Variants in MPND observed in about 807,000 individuals in gnomAD.
The protein encoded by MPND is MPN domain containing.
MPND carries 56 observed loss-of-function variants against 59.2 expected under a neutral mutation model. The observed-to-expected ratio is 0.95, with a 90% CI of 0.76 to 1.18. MPND has a LOEUF of 1.18. Among genes scored for constraint, MPND ranks in the 50% most tolerant of loss-of-function variants. The pLI is 0.00. For synonymous variants in MPND, 323 were observed against 291.9 expected (o/e 1.11, Z -1.09); for missense variants, 671 against 676.0 (o/e 0.99, Z 0.08).
rs1308112259 is a variant in MPND at position 4,359,927 on chromosome 19, C to T, written c.1431C>T (p.Ala477=). The change falls in exon 13 of 13, where the codon GCC becomes GCT. Residue 477 remains alanine (A), a synonymous_variant. Coordinates refer to ENST00000599840, the MANE Select transcript of MPND (RefSeq NM_001300862.2). ...CCCCCTCGTTTCAGATCTCCTTGGC[C>T]AGCAGGACGCCCAAGGACCAGAGCC... ...TYLDKLKISL[A]SRTPKDQSLC... is the part of the protein sequence containing the mutation. 1.9e-6 allele frequency: 3 copies of T among 1,569,944 alleles called. No homozygotes were observed. The highest frequency in any genetic ancestry group is 2.6e-6 in the Non-Finnish European group (3 of 1,157,256).
chr19:4,346,141 G>A (rs891543207), intron 3 of MPND, among the ~76,000 whole-genome samples, 160 bp downstream of exon 3: 8 of 152,220 alleles, frequency 5.3e-5, no homozygotes, highest in African/African-American at 1.9e-4. Context: ...CCAGGGCTGG[G>A]GCGGAGAGAG....
At chr19:4,353,355 C>T (rs1972364234) in intron 4 of MPND, among the ~76,000 whole-genome samples, 1 of 152,096 alleles carries the variant, frequency 6.6e-6, no homozygotes, top group African/African-American at 2.4e-5. Flanking sequence ...GCAACCTCTG[C>T]CTCCCGGGTT....
Position 4,359,166 on chromosome 19 carries a change from C to T in MPND, c.1330C>T (p.Leu444=). ...TCCATGCTCCTCTGTCCTGTAGATG[C>T]TGCTGGTGGAGTTCTACAAGGGTTC... ...LTNDILHEMM[L]LVEFYKGSPD... is the part of the protein sequence containing the mutation. The change falls in exon 12 of 13, where the codon CTG becomes TTG. Residue 444 remains leucine (L), a synonymous_variant. Coordinates refer to ENST00000599840, the MANE Select transcript of MPND (RefSeq NM_001300862.2). 2 of 1,611,972 alleles carry T rather than the reference C, an allele frequency of 1.2e-6. No homozygotes were observed. The highest frequency in any genetic ancestry group is 1.1e-5 in the South Asian group (1 of 91,044).
At chr19:4,350,371 G>C (rs1324351292) in intron 3 of MPND, among the ~76,000 whole-genome samples, 2 of 152,122 alleles carry the variant, frequency 1.3e-5, no homozygotes, top group Non-Finnish European at 2.9e-5. Context: ...GAGCCATGGA[G>C]TGTTGCAGGC....
At chr19:4,353,173 C>T (rs1972360314) in intron 4 of MPND, 144 bp downstream of exon 4, 2 of 580,040 alleles carry the variant, frequency 3.4e-6, no homozygotes, top group Non-Finnish European at 2.6e-6. Context: ...AAGTCTGGAG[C>T]CGGACGAGGC....
chr19:4,344,332 AGCT>A (rs1972138804), intron 2 of MPND, among the ~76,000 whole-genome samples: 1 of 148,392 alleles, frequency 6.7e-6, no homozygotes, highest in Non-Finnish European at 1.5e-5. Context: ...AGGCCTGGAG[AGCT>A]CCCTTGCTTT....
intron 11 of MPND, among the ~76,000 whole-genome samples, 186 bp from the exon 12 acceptor site, chr19:4,358,977 G>A (rs750397809): frequency 2.0e-5 from 3 of 152,112 alleles, no homozygotes. Flanking sequence ...CCTCCCCCTC[G>A]AGAGAGCCCT....
chr19:4,344,844 T>TC, intron 2 of MPND, among the ~76,000 whole-genome samples: 2 of 149,638 alleles, frequency 1.3e-5, no homozygotes, highest in African/African-American at 2.5e-5. Flanking sequence ...TTCAAGCGAT[T>TC]TTCTGCCTCA....
rs1972125327 is a variant in MPND at position 4,343,856 on chromosome 19, A to G, written c.156A>G (p.Gly52=). 8.6e-7 allele frequency: 1 copy of G among 1,161,984 alleles called. No homozygotes were observed. Among genetic ancestry groups the G allele is most frequent in the Non-Finnish European group, 1.1e-6 (1 of 944,060 alleles). The allele number at this position is 1,161,984 out of a possible 1,614,324, so 72.0% of individuals were successfully genotyped here. The change falls in exon 2 of 13, where the codon GGA becomes GGG. Residue 52 remains glycine (G), a synonymous_variant. Coordinates refer to ENST00000599840, the MANE Select transcript of MPND (RefSeq NM_001300862.2). The part of the protein sequence containing the change: ...SGGGGSSVSG[G]GGGGGAGAGG... ...GCGGCGGCAGTAGCGTCAGCGGAGG[A>G]GGCGGCGGCGGCGGGGCCGGGGCGG...
chr19:4,355,336 C>CTTTTT lies in MPND; in HGVS notation c.996+176_996+180dup, dbSNP rs3048292. Among the ~76,000 whole-genome samples the CTTTTT allele has an allele frequency of 2.6e-4, 32 of 124,438 alleles. 2 individuals carry two copies. The highest frequency in any genetic ancestry group is 2.6e-4 in the Non-Finnish European group (16 of 61,824). 81.6% of individuals were successfully genotyped at this position (124,438 alleles called of 152,430 possible). On this transcript the variant is annotated intron_variant, in intron 8 of 12. Transcript: ENST00000599840. ...CCATGGTGAAGGGTGAAGAACACTG[C>CTTTTT]TTTTTTTTTTTTTTTTTGAGACGGA...
At chr19:4,344,119 T>G in intron 2 of MPND, 125 bp downstream of exon 2, 1 of 682,964 alleles carries the variant, frequency 1.5e-6, no homozygotes, top group Non-Finnish European at 2.0e-6. Flanking sequence ...GGAGCTCCCT[T>G]GCTGAGAGAC....
rs374599119 is a variant in MPND at position 4,355,165 on chromosome 19, G to C, written c.988G>C (p.Glu330Gln). 2.5e-6 allele frequency: 4 copies of C among 1,612,848 alleles called. No homozygotes were observed. The highest frequency in any genetic ancestry group is 3.4e-6 in the Non-Finnish European group (4 of 1,179,962). ...LGDAETAAAIEEEIYQSLFLR... is the reference protein window; with the variant it reads ...LGDAETAAAIQEEIYQSLFLR... ...GGACGCAGAGACTGCAGCTGCCATCGAAGAGGAGGTGAGGGGCTACCTGGG... is the reference window on the plus strand; with the variant it reads ...GGACGCAGAGACTGCAGCTGCCATCCAAGAGGAGGTGAGGGGCTACCTGGG... Residue 330 changes from glutamate (E) to glutamine (Q), a missense_variant, in exon 8 of 13, where the codon GAA becomes CAA. Glu to Gln is a conservative substitution (Grantham distance 29). Transcript: ENST00000599840.
intron 3 of MPND, among the ~76,000 whole-genome samples, chr19:4,348,049 A>G (rs1335128962): frequency 1.3e-5 from 2 of 149,426 alleles, no homozygotes; most frequent in Admixed American, 6.7e-5. Context: ...CCACCACCAC[A>G]CCCGGCTAAT....
At chr19:4,350,586 C>G (rs939392561) in intron 3 of MPND, among the ~76,000 whole-genome samples, 1 of 152,124 alleles carries the variant, frequency 6.6e-6, no homozygotes, top group East Asian at 1.9e-4. Context: ...GGAAGTGTAT[C>G]CGCCAGATTT....
intron 8 of MPND, among the ~76,000 whole-genome samples, chr19:4,356,280 C>G (rs917135784): frequency 6.6e-6 from 1 of 151,838 alleles, no homozygotes; most frequent in African/African-American, 2.4e-5. Flanking sequence ...ATCCAGGCAC[C>G]GGGGGTTCAC....
At position 4,343,977 on chromosome 19, in the gene MPND, C is replaced by CAGCGCCGGGGTGATGGCGCCGGGGTGA. The variant is rs750893179; in HGVS notation, c.277_278insAGCGCCGGGGTGATGGCGCCGGGGTGA (p.Leu93delinsGlnArgArgGlyAspGlyAlaGlyValMet). On this transcript the variant is annotated protein_altering_variant, in exon 2 of 13. Transcript: ENST00000599840. The stretch of plus-strand genomic sequence containing the variant: ...GCTGCTGGAGCCTGGCGCCGGGGTG[C>CAGCGCCGGGGTGATGGCGCCGGGGTGA]TGTCCATCTACTACCTGGTGAGCAC... The CAGCGCCGGGGTGATGGCGCCGGGGTGA allele has an allele frequency of 1.8e-5, 25 of 1,380,524 alleles. 1 individual carries two copies. The South Asian group carries it at 3.7e-4, about 21-fold the overall frequency. The allele number at this position is 1,380,524 out of a possible 1,614,324, so 85.5% of individuals were successfully genotyped here.
At chr19:4,359,304 C>G in intron 12 of MPND, 49 bp downstream of exon 12, 1 of 1,415,846 alleles carries the variant, frequency 7.1e-7, no homozygotes, top group Non-Finnish European at 9.9e-7. Flanking sequence ...CAGGAGAGGC[C>G]CCCTGGGCAG....
rs751132283 is a variant in MPND, at chr19:4,355,208, G to C, written c.996+35G>C. 28 of 1,604,598 alleles carry C rather than the reference G, an allele frequency of 1.7e-5. 1 individual carries two copies. In the South Asian group the frequency reaches 2.3e-4, roughly 13 times the overall value. ...TACCTGGGAGGTGGCATTCTGGGGA[G>C]GGTTGGGAAGGGACATAGCTGTCCT... On this transcript the variant is annotated intron_variant, in intron 8 of 12. Coordinates refer to ENST00000599840, the MANE Select transcript of MPND (RefSeq NM_001300862.2).
chr19:4,357,838 A>G (rs1972477743), intron 10 of MPND: 3 of 605,772 alleles, frequency 5.0e-6, no homozygotes, highest in Admixed American at 3.0e-5. Flanking sequence ...TCATTCCCCA[A>G]TCCTGCCCTG....
Sources: gnomAD v4.1 joint callset for allele counts (sites outside exome capture counted in the v4.1 genomes callset) on GRCh38, gnomAD v4.1.1 for gene constraint, MANE v1.5 for transcripts, NCBI Gene and HGNC (gene_info 2026-07-23, HGNC 2026-07-21) for gene names.